The following THAP10 variants were observed in gnomAD, a reference collection of about 807,000 sequenced individuals.
THAP10 encodes THAP domain-containing protein 10.
THAP10 carries 10 observed loss-of-function variants against 15.7 expected under a neutral mutation model. The observed-to-expected ratio is 0.64, with a 90% CI of 0.39 to 1.08. THAP10 has a LOEUF of 1.08. Ranked by LOEUF, THAP10 falls within the 50% of genes least tolerant of loss-of-function variation. The pLI is 0.01. For missense variants in THAP10, 310 were observed against 330.9 expected (o/e 0.94, Z 0.49); for synonymous variants, 127 against 129.1 (o/e 0.98, Z 0.11).
At chr15:70,891,438 G>C (rs2141092647) in intron 1 of THAP10, among the ~76,000 whole-genome samples, 1 of 152,226 alleles carries the variant, frequency 6.6e-6, no homozygotes, top group East Asian at 1.9e-4. Flanking sequence ...CTTTCCTCAA[G>C]CTTATGTAAT....
At chr15:70,882,975 T>C (rs2033304706) in intron 1 of THAP10, 67 bp from the exon 2 acceptor site, 1 of 1,542,752 alleles carries the variant, frequency 6.5e-7, no homozygotes, top group African/African-American at 1.4e-5. Flanking sequence ...TTTCAAAAGT[T>C]ACAAGTAGTA....
intron 1 of THAP10, among the ~76,000 whole-genome samples, chr15:70,890,069 T>G (rs946085993): frequency 3.3e-5 from 5 of 152,186 alleles, no homozygotes; most frequent in Admixed American, 2.0e-4. Context: ...GAAAACAGAT[T>G]TATTATGTAT....
At position 70,892,097 on chromosome 15, in the gene THAP10, G is replaced by A. The variant is rs1169711779; in HGVS notation, c.176C>T (p.Ala59Val). The A allele has an allele frequency of 6.8e-6, 11 of 1,613,856 alleles. No individual in the cohort carries two copies. The highest frequency in any genetic ancestry group is 1.7e-5 in the Admixed American group (1 of 59,976). The change falls in exon 1 of 3, where the codon GCC becomes GTC. Residue 59 changes from alanine to valine, a missense_variant. Coordinates refer to ENST00000249861, the MANE Select transcript of THAP10 (RefSeq NM_020147.4). ...CGAAGAGACGTCAAAACAGGCTGGGGCAAAGTGGTCAGAGCAGATGACCGA... is the reference window on the plus strand; with the variant it reads ...CGAAGAGACGTCAAAACAGGCTGGGACAAAGTGGTCAGAGCAGATGACCGA... Reference protein sequence around the residue: ...DRSVICSDHFAPACFDVSSVI... With the variant: ...DRSVICSDHFVPACFDVSSVI...
chr15:70,892,093 T>G lies in THAP10; in HGVS notation c.180A>C (p.Pro60=). The change falls in exon 1 of 3, where the codon CCA becomes CCC. Residue 60 remains proline (P), a synonymous_variant. Coordinates refer to ENST00000249861, the MANE Select transcript of THAP10 (RefSeq NM_020147.4). ...TAACCGAAGAGACGTCAAAACAGGCTGGGGCAAAGTGGTCAGAGCAGATGA... is the reference window on the plus strand; with the variant it reads ...TAACCGAAGAGACGTCAAAACAGGCGGGGGCAAAGTGGTCAGAGCAGATGA... ...RSVICSDHFA[P]ACFDVSSVIQ... 6.2e-7 allele frequency: 1 copy of G among 1,613,960 alleles called. No homozygotes were observed. The highest frequency in any genetic ancestry group is 8.5e-7 in the Non-Finnish European group (1 of 1,179,938).
At chr15:70,889,033 A>G (rs537114392) in intron 1 of THAP10, among the ~76,000 whole-genome samples, 2 of 152,272 alleles carry the variant, frequency 1.3e-5, no homozygotes, top group South Asian at 4.1e-4. Flanking sequence ...TTAGAAAACT[A>G]TTTGGTATTA....
chr15:70,888,727 C>T (rs549629917), intron 1 of THAP10, among the ~76,000 whole-genome samples: 3 of 152,182 alleles, frequency 2.0e-5, no homozygotes, highest in African/African-American at 4.8e-5. Context: ...AAAGGACTTC[C>T]AGGTAGAATC....
chr15:70,891,068 A>G (rs1471005185), intron 1 of THAP10, among the ~76,000 whole-genome samples: 1 of 152,168 alleles, frequency 6.6e-6, no homozygotes, highest in East Asian at 1.9e-4. Flanking sequence ...TAAGGATTAC[A>G]GACCCCTGAG....
rs1286250510 is a variant in THAP10 at position 70,891,828 on chromosome 15, G to T, written c.429+16C>A. 2 of 1,544,746 alleles carry T rather than the reference G, an allele frequency of 1.3e-6. No individual in the cohort carries two copies. The highest frequency in any genetic ancestry group is 2.3e-5 in the East Asian group (1 of 44,186). On this transcript the variant is annotated intron_variant, in intron 1 of 2. Transcript: ENST00000249861. The stretch of plus-strand genomic sequence containing the variant: ...GTCCAGGGGTCCTTACACAACCTTC[G>T]GTGGTCTCTCTTTACCTGTGAAGCT...
chr15:70,887,814 G>A (rs899733701), intron 1 of THAP10, among the ~76,000 whole-genome samples: 1 of 152,142 alleles, frequency 6.6e-6, no homozygotes, highest in African/African-American at 2.4e-5. Context: ...TTTTGTACAT[G>A]TATAAAATTC....
Position 70,882,630 on chromosome 15 carries a change from CT to C in THAP10, c.597del (p.Ala200ArgfsTer53). ...GCATTACACAGTCTTTTTCCAAACG[CT>C]TTCACTTTGGCTTGAATACCTGAAA... ...HRSVGIQAKV[K>X]AFGKRLCNAT... On this transcript the variant is annotated frameshift_variant, in exon 3 of 3. Transcript: ENST00000249861. LOFTEE classifies it low-confidence loss of function (END_TRUNC). The C allele has an allele frequency of 6.2e-7, 1 of 1,613,910 alleles. No individual in the cohort carries two copies. The highest frequency in any genetic ancestry group is 8.5e-7 in the Non-Finnish European group (1 of 1,179,914).
intron 1 of THAP10, among the ~76,000 whole-genome samples, chr15:70,885,122 G>T (rs1363325391): frequency 2.7e-5 from 4 of 147,916 alleles, no homozygotes; most frequent in Non-Finnish European, 4.5e-5. Flanking sequence ...ATATCCGATT[G>T]CTTCTTCAGA....
At chr15:70,889,542 T>C (rs950307647) in intron 1 of THAP10, among the ~76,000 whole-genome samples, 30 of 152,210 alleles carry the variant, frequency 2.0e-4, no homozygotes, top group Admixed American at 2.6e-4. Flanking sequence ...CACTTTTCTG[T>C]GTATTTGCTA....
In THAP10 at chr15:70,892,224, C is replaced by T; in HGVS notation, c.49G>A (p.Gly17Arg). The T allele has an allele frequency of 6.3e-7, 1 of 1,595,868 alleles. No homozygotes were observed. The highest frequency in any genetic ancestry group is 8.5e-7 in the Non-Finnish European group (1 of 1,170,714). ...TTGGGAAAGCGGAACAGCGACTTCC[C>T]AGACTTGGTGGTGTTGCCGCAGTGG... is the stretch of plus-strand genomic sequence containing the variant. ...AAHCGNTTKS[G>R]KSLFRFPKDR... Residue 17 changes from glycine to arginine, a missense_variant, in exon 1 of 3, where the codon GGG becomes AGG. Coordinates refer to ENST00000249861, the MANE Select transcript of THAP10 (RefSeq NM_020147.4).
rs760840980 is a variant in THAP10 at position 70,892,251 on chromosome 15, C to T, written c.22G>A (p.Ala8Thr). 22 of 1,578,994 alleles carry T rather than the reference C, an allele frequency of 1.4e-5. No homozygotes were observed. In the South Asian group the frequency reaches 2.4e-4, roughly 17 times the overall value. MPARCVA[A>T]HCGNTTKSGK... Reference sequence around the variant, plus strand: ...GACTTGGTGGTGTTGCCGCAGTGGGCGGCCACACAACGGGCCGGCATGGCG... The same window carrying T: ...GACTTGGTGGTGTTGCCGCAGTGGGTGGCCACACAACGGGCCGGCATGGCG... The change falls in exon 1 of 3, where the codon GCC becomes ACC. Residue 8 changes from alanine to threonine, a missense_variant. Transcript: ENST00000249861.
In THAP10 at chr15:70,882,641, G is replaced by T. The variant is rs542177705; in HGVS notation, c.587C>A (p.Ala196Asp). Residue 196 changes from alanine (A) to aspartate (D), a missense_variant, in exon 3 of 3, where the codon GCC becomes GAC. By Grantham distance (126) the Ala-to-Asp change is moderately radical. Transcript: ENST00000249861. ...RPRHRSVGIQ[A>D]KVKAFGKRLC... ...TCTTTTTCCAAACGCTTTCACTTTG[G>T]CTTGAATACCTGAAAGAGAATAAGC... The T allele has an allele frequency of 3.7e-6, 6 of 1,613,574 alleles. No homozygotes were observed. Among genetic ancestry groups the T allele is most frequent in the Non-Finnish European group, 4.2e-6 (5 of 1,179,800 alleles).
In THAP10 at chr15:70,882,804, T is replaced by A. The variant is rs1333175761; in HGVS notation, c.534A>T (p.Lys178Asn). The A allele has an allele frequency of 6.2e-7, 1 of 1,614,076 alleles. No individual in the cohort carries two copies. Among genetic ancestry groups the A allele is most frequent in the Non-Finnish European group, 8.5e-7 (1 of 1,180,022 alleles). The change falls in exon 2 of 3, where the codon AAA becomes AAT. Residue 178 changes from lysine (K) to asparagine (N), a missense_variant. Coordinates refer to ENST00000249861, the MANE Select transcript of THAP10 (RefSeq NM_020147.4). ...GCCTTTTCAAAGAAATTTGTGTACTTTTATGCACTGGGCCTTCTTCACAGT... is the reference window on the plus strand; with the variant it reads ...GCCTTTTCAAAGAAATTTGTGTACTATTATGCACTGGGCCTTCTTCACAGT... ...PTHCEEGPVH[K>N]STQISLKRPR...
intron 2 of THAP10, 42 bp downstream of exon 2, chr15:70,882,719 G>A (rs2033295848): frequency 6.2e-7 from 1 of 1,612,666 alleles, no homozygotes; most frequent in African/African-American, 1.3e-5. Flanking sequence ...ATATACGAAA[G>A]ATCAATTCAA....
chr15:70,883,194 A>C lies in THAP10; in HGVS notation c.430-286T>G, dbSNP rs115192350. ...CTTAAATCAAAAGCTAGAAGAGATA[A>C]TACTTTTTTTTTTTGAGATGGAGTT... On this transcript the variant is annotated intron_variant, in intron 1 of 2. Transcript: ENST00000249861. 4.8e-3 allele frequency among the ~76,000 whole-genome samples: 734 copies of C among 152,082 alleles called. 8 individuals are homozygous for C. The highest frequency in any genetic ancestry group is 0.017 in the African/African-American group (714 of 41,480).
chr15:70,891,793 C>T (rs778263705), intron 1 of THAP10, 51 bp downstream of exon 1: 12 of 1,452,712 alleles, frequency 8.3e-6, no homozygotes, highest in Non-Finnish European at 1.1e-5. Flanking sequence ...AGTGGAGGAG[C>T]CCAGCCAGAG....
Sources: allele counts gnomAD v4.1 joint callset (sites outside exome capture counted in the v4.1 genomes callset), GRCh38; gene constraint gnomAD v4.1.1; transcripts MANE v1.5; gene names NCBI Gene and HGNC (gene_info 2026-07-23, HGNC 2026-07-21).